P3H1: variants seen among roughly 807,000 people sequenced by gnomAD.
P3H1 encodes the protein growth suppressor 1.
In P3H1, 69 loss-of-function variants were observed where a neutral mutation model predicts 84.0. The ratio of observed to expected loss-of-function variants is 0.82; its 90% CI spans 0.68 to 1.00. The LOEUF (loss-of-function observed/expected upper bound fraction) is 1.00, where lower values mean the gene tolerates loss of function less well. Among genes scored for constraint, P3H1 ranks in the 50% least tolerant of loss-of-function variants. The pLI is 0.00. For missense variants in P3H1, 878 were observed against 962.8 expected (o/e 0.91, Z 1.17); for synonymous variants, 366 against 388.8 (o/e 0.94, Z 0.69).
In P3H1 at chr1:42,747,275, C is replaced by G; in HGVS notation, c.2052G>C (p.Glu684Asp). The change falls in exon 14 of 15, where the codon GAG becomes GAC. Residue 684 changes from glutamate to aspartate, a missense_variant. Physicochemically the swap from Glu to Asp is conservative, Grantham distance 45. Transcript: ENST00000296388. The stretch of plus-strand genomic sequence containing the variant: ...CACCCGCTCGAGCTGCTCTCACCCG[C>G]TCGCTGTGTCGAGGGTCCAGGGTGA... ...LWFTLDPRHS[E>D]RDRVQADDLV... 6.2e-7 allele frequency: 1 copy of G among 1,613,960 alleles called. No individual in the cohort carries two copies. Among genetic ancestry groups the G allele is most frequent in the African/African-American group, 1.3e-5 (1 of 75,062 alleles).
intron 11 of P3H1, among the ~76,000 whole-genome samples, chr1:42,749,690 C>T (rs1651923466): frequency 6.6e-6 from 1 of 152,222 alleles, no homozygotes; most frequent in Non-Finnish European, 1.5e-5. Flanking sequence ...CATCCCACCA[C>T]CCGGAGTACT....
Position 42,766,514 on chromosome 1 carries a change from T to C in P3H1, c.458A>G (p.Tyr153Cys). The C allele has an allele frequency of 1.2e-6, 2 of 1,610,522 alleles. No homozygotes were observed. Among genetic ancestry groups the C allele is most frequent in the Non-Finnish European group, 1.7e-6 (2 of 1,178,826 alleles). Residue 153 changes from tyrosine to cysteine, a missense_variant, in exon 1 of 15, where the codon TAC becomes TGC. Physicochemically the swap from Tyr to Cys is radical, Grantham distance 194. Coordinates refer to ENST00000296388, the MANE Select transcript of P3H1 (RefSeq NM_022356.4). ...RSPYNYLQVAYFKINKLEKAV... is the reference protein window; with the variant it reads ...RSPYNYLQVACFKINKLEKAV... ...TTCCAGGCAGGTCTGCACCTTGAAG[T>C]AGGCGACCTGCAGGTAGTTGTAGGG... is the stretch of plus-strand genomic sequence containing the variant.
chr1:42,756,824 G>T (rs932619923), intron 5 of P3H1, among the ~76,000 whole-genome samples: 1 of 152,232 alleles, frequency 6.6e-6, no homozygotes, highest in Non-Finnish European at 1.5e-5. Flanking sequence ...ACAAGCCACT[G>T]CACAAGTTAC....
intron 6 of P3H1, 121 bp downstream of exon 6, chr1:42,755,427 C>T (rs1652343510): frequency 2.0e-6 from 2 of 1,025,098 alleles, no homozygotes; most frequent in Non-Finnish European, 3.1e-6. Context: ...GCACAGATCC[C>T]AGGCTAGGCT....
Position 42,752,668 on chromosome 1 carries a change from C to CA in P3H1, c.1346-5dup. 1 of 1,614,186 alleles carries CA rather than the reference C, an allele frequency of 6.2e-7. No individual in the cohort carries two copies. The highest frequency in any genetic ancestry group is 8.5e-7 in the Non-Finnish European group (1 of 1,180,036). On this transcript the variant is annotated splice_polypyrimidine_tract_variant and splice_region_variant and intron_variant, in intron 8 of 14. Coordinates refer to ENST00000296388, the MANE Select transcript of P3H1 (RefSeq NM_022356.4). ...CCTTCATACAGCAGGGGGCCACCTG[C>CA]AAAGCAATGACAAAACTCTAGCTAA...
At chr1:42,763,851 G>C (rs1312974888) in intron 1 of P3H1, among the ~76,000 whole-genome samples, 1 of 151,956 alleles carries the variant, frequency 6.6e-6, no homozygotes, top group Non-Finnish European at 1.5e-5. Context: ...TGGTATCAAA[G>C]AGACCAGCCG....
Position 42,750,218 on chromosome 1 carries a change from T to C in P3H1, c.1688A>G (p.Tyr563Cys), listed in dbSNP as rs776515630. The C allele has an allele frequency of 4.3e-6, 7 of 1,610,400 alleles. No homozygotes were observed. In the South Asian group the frequency reaches 4.4e-5, roughly 10 times the overall value. Residue 563 changes from tyrosine (Y) to cysteine (C), a missense_variant, in exon 11 of 15, where the codon TAC becomes TGC. Tyr to Cys is a radical substitution (Grantham distance 194). Coordinates refer to ENST00000296388, the MANE Select transcript of P3H1 (RefSeq NM_022356.4). ...FRLDTPLYFS[Y>C]SHLVCRTAIE... Reference sequence around the variant, plus strand: ...GGCAGTGCGGCACACCAGATGAGAGTAGGAAAAGTAGAGGGGCGTATCCAG... The same window carrying C: ...GGCAGTGCGGCACACCAGATGAGAGCAGGAAAAGTAGAGGGGCGTATCCAG...
Position 42,754,942 on chromosome 1 carries a change from A to G in P3H1, c.1272T>C (p.Leu424=), listed in dbSNP as rs932233798. 6.2e-7 allele frequency: 1 copy of G among 1,613,992 alleles called. No homozygotes were observed. The highest frequency in any genetic ancestry group is 8.5e-7 in the Non-Finnish European group (1 of 1,180,014). Residue 424 remains leucine (L), a synonymous_variant, in exon 8 of 15, where the codon CTT becomes CTC. Coordinates refer to ENST00000296388, the MANE Select transcript of P3H1 (RefSeq NM_022356.4). The surrounding 1 kb of genome is among the most constrained non-coding windows in gnomAD (Gnocchi z 4.0). ...CCACAAGGGTCTCGATTTCCTTCATAAGGTTCCCAATCTCCTGGGAGATGC... is the reference window on the plus strand; with the variant it reads ...CCACAAGGGTCTCGATTTCCTTCATGAGGTTCCCAATCTCCTGGGAGATGC... The part of the protein sequence containing the change: ...AVRISQEIGN[L]MKEIETLVEE...
At position 42,759,311 on chromosome 1, in the gene P3H1, T is replaced by G. The variant is rs903215732; in HGVS notation, c.698A>C (p.Gln233Pro). ...CTCCTCATAGGCCACAAAGTATTCT[T>G]GCAGCGCCGCCTCTAGGTGGGGCAC... The part of the protein sequence containing the change: ...EAVPHLEAAL[Q>P]EYFVAYEECR... Residue 233 changes from glutamine (Q) to proline (P), a missense_variant, in exon 3 of 15, where the codon CAA becomes CCA. By Grantham distance (76) the Gln-to-Pro change is moderately conservative. Transcript: ENST00000296388. 2.4e-5 allele frequency: 38 copies of G among 1,614,052 alleles called. No homozygotes were observed. The highest frequency in any genetic ancestry group is 3.3e-5 in the Admixed American group (2 of 59,998).
chr1:42,763,496 A>G (rs1652825093), intron 1 of P3H1, among the ~76,000 whole-genome samples: 1 of 150,980 alleles, frequency 6.6e-6, no homozygotes, highest in Non-Finnish European at 1.5e-5. Flanking sequence ...ACATGGTGAA[A>G]CCCCGTCTCT....
Position 42,760,976 on chromosome 1 carries a change from CTTTTTTTTTT to C in P3H1, c.618+1337_618+1346del, listed in dbSNP as rs34698953. The C allele has an allele frequency of 4.8e-5, 5 of 104,440 alleles. No homozygotes were observed. The South Asian group carries it at 1.6e-3, about 34-fold the overall frequency. 6.5% of individuals were successfully genotyped at this position (104,440 alleles called of 1,614,324 possible). A position where few individuals can be genotyped will look rare whatever the true frequency, so the allele number is the denominator to read the frequency against. On this transcript the variant is annotated intron_variant, in intron 2 of 14. Coordinates refer to ENST00000296388, the MANE Select transcript of P3H1 (RefSeq NM_022356.4). ...CCACAACTTACTTTTAAAAGTCATT[CTTTTTTTTTT>C]TTTTTTTTTGACTGTTGCTCTGTCA...
In P3H1 at chr1:42,754,929, C is replaced by T. The variant is rs141759655; in HGVS notation, c.1285G>A (p.Glu429Lys). ...TTGGTCTTCTCTTCCACAAGGGTCT[C>T]GATTTCCTTCATAAGGTTCCCAATC... ...QEIGNLMKEI[E>K]TLVEEKTKES... Residue 429 changes from glutamate (E) to lysine (K), a missense_variant, in exon 8 of 15, where the codon GAG (glutamate) becomes AAG (lysine). Glu to Lys is a moderately conservative substitution (Grantham distance 56). Coordinates refer to ENST00000296388, the MANE Select transcript of P3H1 (RefSeq NM_022356.4). The surrounding 1 kb of genome is among the most constrained non-coding windows in gnomAD (Gnocchi z 4.0). 168 of 1,614,062 alleles carry T rather than the reference C, an allele frequency of 1.0e-4. No homozygotes were observed. Among genetic ancestry groups the T allele is most frequent in the Non-Finnish European group, 1.3e-4 (148 of 1,180,046 alleles).
At chr1:42,766,418 C>T (rs1296338691) in intron 1 of P3H1, 89 bp downstream of exon 1, 1 of 1,227,622 alleles carries the variant, frequency 8.1e-7, no homozygotes, top group East Asian at 2.6e-5. Context: ...CCTGCGGACA[C>T]TTCCCCGATC....
At chr1:42,753,098 A>G (rs916070460) in intron 8 of P3H1, among the ~76,000 whole-genome samples, 1 of 152,212 alleles carries the variant, frequency 6.6e-6, no homozygotes, top group African/African-American at 2.4e-5. Context: ...GTTTGATGCC[A>G]GTATAATGTT....
At chr1:42,750,104 G>T (rs1164546815) in intron 11 of P3H1, 82 bp downstream of exon 11, 2 of 1,506,492 alleles carry the variant, frequency 1.3e-6, no homozygotes, top group African/African-American at 2.8e-5. Flanking sequence ...ACCGCATCCT[G>T]TTCTCTCTGT....
Position 42,754,813 on chromosome 1 carries a change from T to C in P3H1, c.1345+56A>G. The C allele has an allele frequency of 6.2e-7, 1 of 1,612,850 alleles. No individual in the cohort carries two copies. Among genetic ancestry groups the C allele is most frequent in the Non-Finnish European group, 8.5e-7 (1 of 1,179,240 alleles). On this transcript the variant is annotated intron_variant, in intron 8 of 14. Transcript: ENST00000296388. This position sits in a 1 kb window ranked among gnomAD's most constrained non-coding sequence, Gnocchi z 4.0. ...GGAGCGCTGCCTGGCAAATGTGGGG[T>C]GACCTGCCTGGCTCCCTGACAACAG...
At chr1:42,762,268 C>A (rs1652760259) in intron 2 of P3H1, 55 bp downstream of exon 2, 1 of 1,580,284 alleles carries the variant, frequency 6.3e-7, no homozygotes, top group Non-Finnish European at 8.7e-7. Context: ...AAGACTCTGT[C>A]TCTAAAATAA....
Position 42,754,810 on chromosome 1 carries a change from G to C in P3H1, c.1345+59C>G. On this transcript the variant is annotated intron_variant, in intron 8 of 14. Transcript: ENST00000296388. This position sits in a 1 kb window ranked among gnomAD's most constrained non-coding sequence, Gnocchi z 4.0. Reference sequence around the variant, plus strand: ...GGTGGAGCGCTGCCTGGCAAATGTGGGGTGACCTGCCTGGCTCCCTGACAA... The same window carrying C: ...GGTGGAGCGCTGCCTGGCAAATGTGCGGTGACCTGCCTGGCTCCCTGACAA... 1 of 1,611,976 alleles carries C rather than the reference G, an allele frequency of 6.2e-7. No homozygotes were observed. Among genetic ancestry groups the C allele is most frequent in the Non-Finnish European group, 8.5e-7 (1 of 1,178,626 alleles).
At position 42,748,185 on chromosome 1, in the gene P3H1, C is replaced by G; in HGVS notation, c.1838+15G>C. ...GGGCACAGACCTCCTCACCCTGCAC[C>G]TGCCCCGCACTCACCTGTAGTCGCG... On this transcript the variant is annotated intron_variant, in intron 12 of 14. Coordinates refer to ENST00000296388, the MANE Select transcript of P3H1 (RefSeq NM_022356.4). 6.3e-7 allele frequency: 1 copy of G among 1,596,366 alleles called. No homozygotes were observed. The highest frequency in any genetic ancestry group is 8.6e-7 in the Non-Finnish European group (1 of 1,165,202).
Sources: allele counts gnomAD v4.1 joint callset (sites outside exome capture counted in the v4.1 genomes callset), GRCh38; gene constraint gnomAD v4.1.1; non-coding constraint Gnocchi (gnomAD v3.1); transcripts MANE v1.5; gene names NCBI Gene and HGNC (gene_info 2026-07-23, HGNC 2026-07-21).